ANKDD1A: variants seen among roughly 807,000 people sequenced by gnomAD.
ANKDD1A encodes the protein ankyrin repeat and death domain-containing protein 1A.
A neutral mutation model predicts 63.5 loss-of-function variants in ANKDD1A; 59 were observed. The ratio of observed to expected loss-of-function variants is 0.93; its 90% CI spans 0.75 to 1.15. The LOEUF (loss-of-function observed/expected upper bound fraction) is 1.15. ANKDD1A is among the 50% of genes most tolerant of loss of function. The pLI, the probability that ANKDD1A is intolerant of heterozygous loss-of-function variation, is 0.00. For missense variants in ANKDD1A, 632 were observed against 656.4 expected (o/e 0.96, Z 0.41); for synonymous variants, 266 against 263.9 (o/e 1.01, Z -0.08).
At chr15:64,946,165 A>G (rs1427700327) in intron 12 of ANKDD1A, among the ~76,000 whole-genome samples, 4 of 152,194 alleles carry the variant, frequency 2.6e-5, no homozygotes, top group Non-Finnish European at 5.9e-5. Flanking sequence ...AAACATTGAA[A>G]CTGAATAAAT....
chr15:64,947,138 A>C (rs994781294), intron 12 of ANKDD1A, among the ~76,000 whole-genome samples: 3 of 152,176 alleles, frequency 2.0e-5, no homozygotes, highest in African/African-American at 7.2e-5. Flanking sequence ...TAGTCTTTTG[A>C]CTATGACAAT....
chr15:64,943,338 T>C (rs1463650947), intron 10 of ANKDD1A, 146 bp from the exon 11 acceptor site: 4 of 693,348 alleles, frequency 5.8e-6, no homozygotes, highest in Middle Eastern at 2.7e-4. Context: ...GATGATCTCA[T>C]GTATGTAAAA....
intron 8 of ANKDD1A, chr15:64,931,957 G>C: frequency 3.1e-6 from 1 of 318,282 alleles, no homozygotes; most frequent in Non-Finnish European, 5.8e-6. Flanking sequence ...GCAATGGTGC[G>C]ATCTTGGCTC....
At chr15:64,935,624 G>T (rs1017168535) in intron 9 of ANKDD1A, among the ~76,000 whole-genome samples, 2 of 149,912 alleles carry the variant, frequency 1.3e-5, no homozygotes, top group Non-Finnish European at 3.0e-5. Context: ...GCAGTGAGCC[G>T]AGATCGCACC....
chr15:64,955,366 T>C (rs1046754986), intron 14 of ANKDD1A, among the ~76,000 whole-genome samples: 1 of 152,304 alleles, frequency 6.6e-6, no homozygotes, highest in Non-Finnish European at 1.5e-5. Flanking sequence ...GAGGCTGTCA[T>C]GCACCTGAAA....
At chr15:64,928,819 C>G (rs1176751318) in intron 6 of ANKDD1A, among the ~76,000 whole-genome samples, 3 of 152,270 alleles carry the variant, frequency 2.0e-5, no homozygotes, top group African/African-American at 7.2e-5. Flanking sequence ...GCTGTCCTGC[C>G]TCTGAGCCCC....
intron 13 of ANKDD1A, among the ~76,000 whole-genome samples, chr15:64,949,072 C>T (rs1473393005): frequency 1.3e-5 from 2 of 152,194 alleles, no homozygotes; most frequent in African/African-American, 4.8e-5. Context: ...CTGCTGAGGG[C>T]CCCAAGAGGG....
At chr15:64,955,002 CCTTCTTCTTCCACTT>C (rs1305448637) in intron 14 of ANKDD1A, among the ~76,000 whole-genome samples, 4 of 146,750 alleles carry the variant, frequency 2.7e-5, no homozygotes, top group South Asian at 2.1e-4. Flanking sequence ...CTTCCTCTTT[CCTTCTTCTTCCACTT>C]CTTCTTCTTC....
At chr15:64,915,664 C>T (rs146311365) in intron 1 of ANKDD1A, 133 bp from the exon 2 acceptor site, 493 of 684,088 alleles carry the variant, frequency 7.2e-4, no homozygotes, top group Non-Finnish European at 9.5e-4. Context: ...AGGGCTGTGC[C>T]GCTCTGCCCC....
At chr15:64,952,764 TCC>T in intron 14 of ANKDD1A, among the ~76,000 whole-genome samples, 2 of 139,690 alleles carry the variant, frequency 1.4e-5, no homozygotes, top group African/African-American at 5.2e-5. Flanking sequence ...CTCCTCCTCC[TCC>T]TTTCTTTTCT....
rs112969651 is a variant in ANKDD1A, at chr15:64,957,462, T to TATCAATC, written c.*277_*278insAATCATC. On this transcript the variant is annotated 3_prime_UTR_variant, in exon 15 of 15. Transcript: ENST00000319580. The stretch of plus-strand genomic sequence containing the variant: ...AATTATTTTCAGTTTTCCAAAATTC[T>TATCAATC]ATCTTTAAACCTAAATAATTCAATT... 16 of 162,080 alleles carry TATCAATC rather than the reference T, an allele frequency of 9.9e-5. No individual in the cohort carries two copies. Among genetic ancestry groups the TATCAATC allele is most frequent in the East Asian group, 5.7e-4 (3 of 5,220 alleles). The allele number at this position is 162,080 out of a possible 1,614,324, so 10.0% of individuals were successfully genotyped here.
intron 3 of ANKDD1A, among the ~76,000 whole-genome samples, chr15:64,918,785 C>A (rs990345725): frequency 1.3e-5 from 2 of 152,032 alleles, no homozygotes; most frequent in African/African-American, 2.4e-5. Flanking sequence ...GAAACCCCGT[C>A]TCTACTAAAA....
In ANKDD1A at chr15:64,947,492, G is replaced by T; in HGVS notation, c.1250G>T (p.Arg417Leu). The change falls in exon 13 of 15, where the codon CGG (arginine) becomes CTG (leucine). Residue 417 changes from arginine (R) to leucine (L), a missense_variant. By Grantham distance (102) the Arg-to-Leu change is moderately radical. Transcript: ENST00000319580. ...CAGCAGCTCCGTTCTGTGCTGTGGC[G>T]GCTGGCCTCCAGGTATCTGCAGCCC... The part of the protein sequence containing the change: ...ETQQLRSVLW[R>L]LASRYLQPRE... 6.2e-7 allele frequency: 1 copy of T among 1,613,922 alleles called. No homozygotes were observed. The highest frequency in any genetic ancestry group is 2.2e-5 in the East Asian group (1 of 44,866).
chr15:64,953,522 T>C (rs1294512034), intron 14 of ANKDD1A, among the ~76,000 whole-genome samples: 4 of 131,140 alleles, frequency 3.1e-5, no homozygotes, highest in Non-Finnish European at 4.9e-5. Context: ...CTTCTCCTTC[T>C]TCCTTCTTCT....
intron 6 of ANKDD1A, among the ~76,000 whole-genome samples, chr15:64,930,571 G>T (rs1013771664): frequency 2.6e-5 from 4 of 152,200 alleles, no homozygotes; most frequent in Non-Finnish European, 4.4e-5. Flanking sequence ...ACATGAGGAG[G>T]GACCGGCTTC....
intron 6 of ANKDD1A, among the ~76,000 whole-genome samples, chr15:64,927,732 A>G (rs1486925666): frequency 1.3e-5 from 2 of 151,392 alleles, no homozygotes; most frequent in Non-Finnish European, 2.9e-5. Flanking sequence ...AGCCTCCCGA[A>G]TAGCTGGGAC....
At position 64,931,543 on chromosome 15, in the gene ANKDD1A, GCTC is replaced by G. The variant is rs1197187667; in HGVS notation, c.733_735del (p.Leu245del). 4.3e-6 allele frequency: 7 copies of G among 1,613,972 alleles called. No individual in the cohort carries two copies. The African/African-American group carries it at 8.0e-5, about 18-fold the overall frequency. On this transcript the variant is annotated inframe_deletion, in exon 8 of 15. Transcript: ENST00000319580. Reference sequence around the variant, plus strand: ...GAGGATCCCACCCTGACTGTGTGCAGCTCCTCCTCAGGGCTGGGAGCACCGTGA... The same window carrying G: ...GAGGATCCCACCCTGACTGTGTGCAGCTCCTCAGGGCTGGGAGCACCGTGA...
chr15:64,953,005 TTTC>T (rs1355119557), intron 14 of ANKDD1A, among the ~76,000 whole-genome samples: 3 of 141,160 alleles, frequency 2.1e-5, no homozygotes, highest in African/African-American at 7.8e-5. Context: ...TTCTTAGTTC[TTTC>T]TTCTCCTTGT....
At chr15:64,912,741 C>T (rs933442446) in intron 1 of ANKDD1A, among the ~76,000 whole-genome samples, 1 of 152,236 alleles carries the variant, frequency 6.6e-6, no homozygotes, top group Non-Finnish European at 1.5e-5. Flanking sequence ...CCCTCAAAAG[C>T]GCATAGTGCA....
Sources: allele counts gnomAD v4.1 joint callset (sites outside exome capture counted in the v4.1 genomes callset), GRCh38; gene constraint gnomAD v4.1.1; transcripts MANE v1.5; gene names NCBI Gene and HGNC (gene_info 2026-07-23, HGNC 2026-07-21).